The following MDGA2 variants were observed in gnomAD, a reference collection of about 807,000 sequenced individuals.
MDGA2 encodes the protein MAM domain-containing glycosylphosphatidylinositol anchor protein 2.
Under a neutral mutation model 117.8 loss-of-function variants are expected in MDGA2, and 40 were observed. The ratio of observed to expected loss-of-function variants is 0.34; its 90% CI spans 0.26 to 0.44. The LOEUF is 0.44. Among genes scored for constraint, MDGA2 ranks in the 20% least tolerant of loss-of-function variants. The probability of loss-of-function intolerance (pLI) is 1.00; values close to 1 mark genes in which losing one functional copy is unlikely to be tolerated. For synonymous variants in MDGA2, 452 were observed against 439.0 expected, an observed-to-expected ratio of 1.03 and a Z score of -0.37; for missense variants, 1,123 against 1,250.6, an observed-to-expected ratio of 0.90 and a Z score of 1.54.
At chr14:47,602,614 G>C (rs1056149149) in intron 1 of MDGA2, among the ~76,000 whole-genome samples, 24 of 152,234 alleles carry the variant, frequency 1.6e-4, no homozygotes, top group African/African-American at 5.3e-4. Flanking sequence ...GTTTGCACAG[G>C]AATTTCTTTT....
chr14:47,652,566 A>G (rs1019104153), intron 1 of MDGA2, among the ~76,000 whole-genome samples: 4 of 152,194 alleles, frequency 2.6e-5, no homozygotes, highest in African/African-American at 9.7e-5. Flanking sequence ...TTAAACTTTG[A>G]TTCACAAGTA....
intron 1 of MDGA2, among the ~76,000 whole-genome samples, chr14:47,590,084 G>C (rs1043118155): frequency 1.3e-5 from 2 of 151,736 alleles, no homozygotes; most frequent in African/African-American, 4.8e-5. Context: ...GTGTGTGTGC[G>C]TGTGTGTATT....
At chr14:47,104,836 G>A (rs902031429) in intron 5 of MDGA2, among the ~76,000 whole-genome samples, 3 of 151,930 alleles carry the variant, frequency 2.0e-5, no homozygotes, top group African/African-American at 4.8e-5. Flanking sequence ...TCCGGTAAGC[G>A]GCCTCTTTTT....
chr14:47,367,960 C>T (rs1594820015), intron 1 of MDGA2, among the ~76,000 whole-genome samples: 1 of 152,020 alleles, frequency 6.6e-6, no homozygotes, highest in Non-Finnish European at 1.5e-5. Context: ...AAGTAAAGTA[C>T]CCTATGTTAG....
intron 3 of MDGA2, among the ~76,000 whole-genome samples, chr14:47,178,265 A>T (rs546485951): frequency 6.6e-6 from 1 of 152,182 alleles, no homozygotes; most frequent in African/African-American, 2.4e-5. Flanking sequence ...GCAACTCATT[A>T]AACTCCCAGG....
At chr14:47,032,115 C>G (rs182188308) in intron 8 of MDGA2, among the ~76,000 whole-genome samples, 4 of 152,040 alleles carry the variant, frequency 2.6e-5, no homozygotes, top group Admixed American at 1.3e-4. Context: ...TAAAGCATAG[C>G]TTGTTATCTG....
intron 1 of MDGA2, among the ~76,000 whole-genome samples, chr14:47,475,789 A>C (rs1274690150): frequency 6.6e-6 from 1 of 152,208 alleles, no homozygotes; most frequent in African/African-American, 2.4e-5. Flanking sequence ...ACACATGAAC[A>C]CAGTAGTAGA....
chr14:47,046,113 C>A (rs1262169644), intron 7 of MDGA2, among the ~76,000 whole-genome samples: 1 of 151,086 alleles, frequency 6.6e-6, no homozygotes. Flanking sequence ...TGTAACAAAC[C>A]TGCACATTGT....
At chr14:47,526,076 T>A (rs1040758245) in intron 1 of MDGA2, among the ~76,000 whole-genome samples, 7 of 152,198 alleles carry the variant, frequency 4.6e-5, no homozygotes, top group African/African-American at 1.4e-4. Context: ...ATATATTGAA[T>A]TTTTAATTTT....
Position 47,380,587 on chromosome 14 carries a change from C to G in MDGA2, c.281-79037G>C, listed in dbSNP as rs143835483. ...CTACCATCAGAGAATACTACAAACA[C>G]CTCTACGCAACTAGAAAATCTAGAA... is the stretch of plus-strand genomic sequence containing the variant. On this transcript the variant is annotated intron_variant, in intron 1 of 16. Transcript: ENST00000399232. Among the ~76,000 whole-genome samples the G allele has an allele frequency of 3.8e-4, 57 of 151,964 alleles. 1 individual carries two copies. The highest frequency in any genetic ancestry group is 1.3e-3 in the African/African-American group (55 of 41,454).
chr14:47,152,597 C>T (rs1883204198), intron 3 of MDGA2, among the ~76,000 whole-genome samples: 2 of 151,762 alleles, frequency 1.3e-5, no homozygotes, highest in Non-Finnish European at 2.9e-5. Flanking sequence ...TATCTTCATG[C>T]ATATTTTACA....
chr14:46,880,913 A>T, intron 11 of MDGA2, among the ~76,000 whole-genome samples: 1 of 151,756 alleles, frequency 6.6e-6, no homozygotes, highest in Admixed American at 6.6e-5. Context: ...TAACTTTTTC[A>T]AAGTTCTGCA....
intron 1 of MDGA2, among the ~76,000 whole-genome samples, chr14:47,502,066 T>C (rs990965207): frequency 7.2e-5 from 11 of 152,180 alleles, no homozygotes; most frequent in African/African-American, 2.4e-4. Context: ...ATACATAGAA[T>C]TAATTATGCT....
chr14:47,383,638 A>G (rs576212578), intron 1 of MDGA2, among the ~76,000 whole-genome samples: 1 of 152,158 alleles, frequency 6.6e-6, no homozygotes, highest in South Asian at 2.1e-4. Context: ...TCCTGGGTTC[A>G]AGCGATTCTC....
At chr14:47,657,497 G>A (rs1897766661) in intron 1 of MDGA2, among the ~76,000 whole-genome samples, 1 of 152,158 alleles carries the variant, frequency 6.6e-6, no homozygotes, top group South Asian at 2.1e-4. Context: ...GCCAGCAGGA[G>A]GGACCCTGAT....
chr14:47,591,895 C>G (rs2138860289), intron 1 of MDGA2, among the ~76,000 whole-genome samples: 1 of 152,186 alleles, frequency 6.6e-6, no homozygotes, highest in Non-Finnish European at 1.5e-5. Flanking sequence ...CCCTCTCTCA[C>G]TCCTATTCAA....
intron 9 of MDGA2, among the ~76,000 whole-genome samples, chr14:46,932,003 T>C (rs1430715528): frequency 1.3e-5 from 2 of 152,100 alleles, no homozygotes; most frequent in Admixed American, 6.6e-5. Flanking sequence ...TGGAATAATG[T>C]GTGTGTACAT....
chr14:47,455,781 G>A (rs6572426), intron 1 of MDGA2, among the ~76,000 whole-genome samples: 48,650 of 151,766 alleles, frequency 0.32, 8,275 homozygotes, highest in East Asian at 0.58. Flanking sequence ...TGGACCACCT[G>A]AGGTTAGGAG....
At chr14:47,053,866 A>G (rs1889566067) in intron 7 of MDGA2, among the ~76,000 whole-genome samples, 1 of 151,640 alleles carries the variant, frequency 6.6e-6, no homozygotes, top group Non-Finnish European at 1.5e-5. Context: ...AAATATTCCA[A>G]ATTGCCATTA....
Sources: allele counts gnomAD v4.1 joint callset (sites outside exome capture counted in the v4.1 genomes callset), GRCh38; gene constraint gnomAD v4.1.1; transcripts MANE v1.5; gene names NCBI Gene and HGNC (gene_info 2026-07-23, HGNC 2026-07-21).